The following RAD51B variants were observed in gnomAD, a reference collection of about 807,000 sequenced individuals.
RAD51B encodes the protein RAD51 paralog B, also known as DNA repair protein RAD51 homolog 2.
In RAD51B, 38 loss-of-function variants were observed where a neutral mutation model predicts 42.2. The ratio of observed to expected loss-of-function variants is 0.90; its 90% CI spans 0.70 to 1.18. RAD51B has a LOEUF of 1.18. Ranked by LOEUF, RAD51B falls within the 50% of genes most tolerant of loss-of-function variation. The pLI is 0.00. For missense variants in RAD51B, 373 were observed against 400.7 expected (o/e 0.93, Z 0.59); for synonymous variants, 154 against 145.2 (o/e 1.06, Z -0.43).
intron 7 of RAD51B, among the ~76,000 whole-genome samples, chr14:67,931,159 G>A (rs947394492): frequency 1.3e-5 from 2 of 152,136 alleles, no homozygotes; most frequent in Non-Finnish European, 2.9e-5. Context: ...CTGACCTCGT[G>A]ATCCGCCTGC....
chr14:68,144,969 G>A (rs34680123), intron 7 of RAD51B, among the ~76,000 whole-genome samples: 2 of 151,778 alleles, frequency 1.3e-5, no homozygotes, highest in Admixed American at 1.3e-4. Context: ...TGACTTGCTT[G>A]GCTATATTGT....
At chr14:68,210,825 A>T (rs190610178) in intron 7 of RAD51B, among the ~76,000 whole-genome samples, 1 of 152,286 alleles carries the variant, frequency 6.6e-6, no homozygotes, top group African/African-American at 2.4e-5. Flanking sequence ...TGTTCACGAT[A>T]TGGTCGCCCA....
At chr14:68,147,346 T>G (rs1015268356) in intron 7 of RAD51B, among the ~76,000 whole-genome samples, 2 of 152,206 alleles carry the variant, frequency 1.3e-5, no homozygotes, top group African/African-American at 2.4e-5. Context: ...GTATTTCAGT[T>G]TAATAAATGA....
At chr14:68,557,295 C>T (rs1211143712) in intron 10 of RAD51B, among the ~76,000 whole-genome samples, 1 of 152,190 alleles carries the variant, frequency 6.6e-6, no homozygotes, top group Non-Finnish European at 1.5e-5. Flanking sequence ...TTAGCCTCGC[C>T]TACCGTACAC....
chr14:68,445,560 T>C (rs1395094110), intron 9 of RAD51B, among the ~76,000 whole-genome samples: 2 of 152,224 alleles, frequency 1.3e-5, no homozygotes, highest in African/African-American at 4.8e-5. Context: ...TTAGTTGTTA[T>C]TGGTCTTAAT....
At chr14:68,462,499 A>C (rs1209963573) in intron 9 of RAD51B, among the ~76,000 whole-genome samples, 1 of 152,224 alleles carries the variant, frequency 6.6e-6, no homozygotes, top group African/African-American at 2.4e-5. Context: ...GGGATTGGGG[A>C]TCCAGCATCG....
intron 7 of RAD51B, among the ~76,000 whole-genome samples, chr14:67,919,474 G>C (rs1012245335): frequency 6.6e-6 from 1 of 152,194 alleles, no homozygotes; most frequent in African/African-American, 2.4e-5. Flanking sequence ...GACGGCGCCA[G>C]AGGAATCTGC....
chr14:68,256,883 G>A (rs972255220), intron 7 of RAD51B, among the ~76,000 whole-genome samples: 5 of 152,088 alleles, frequency 3.3e-5, no homozygotes, highest in Admixed American at 2.0e-4. Context: ...ATTCATATAA[G>A]GGATATTAAA....
intron 7 of RAD51B, among the ~76,000 whole-genome samples, chr14:67,922,174 C>T (rs2044347727): frequency 6.6e-6 from 1 of 152,170 alleles, no homozygotes; most frequent in Non-Finnish European, 1.5e-5. Context: ...GTGCCAGACT[C>T]CTAAGCTCTC....
intron 7 of RAD51B, among the ~76,000 whole-genome samples, chr14:68,166,285 C>G (rs905010475): frequency 6.6e-6 from 1 of 150,894 alleles, no homozygotes; most frequent in African/African-American, 2.4e-5. Flanking sequence ...TCTCATAGTC[C>G]GAAGCATAAA....
chr14:68,149,135 T>C (rs1216981089), intron 7 of RAD51B, among the ~76,000 whole-genome samples: 1 of 152,186 alleles, frequency 6.6e-6, no homozygotes, highest in Non-Finnish European at 1.5e-5. Flanking sequence ...TTGTAAAAAT[T>C]TTCTCCCAAT....
intron 5 of RAD51B, among the ~76,000 whole-genome samples, chr14:67,869,908 T>C (rs372833785): frequency 6.6e-6 from 1 of 151,446 alleles, no homozygotes; most frequent in African/African-American, 2.4e-5. Context: ...CACCACCAGG[T>C]CTGCCCTAAA....
At chr14:68,325,040 G>A (rs1245737846) in intron 8 of RAD51B, among the ~76,000 whole-genome samples, 1 of 152,202 alleles carries the variant, frequency 6.6e-6, no homozygotes, top group Non-Finnish European at 1.5e-5. Flanking sequence ...CATTAGTGGA[G>A]TGAGGTAGTT....
At chr14:68,108,868 G>A (rs1270525453) in intron 7 of RAD51B, among the ~76,000 whole-genome samples, 1 of 151,814 alleles carries the variant, frequency 6.6e-6, no homozygotes, top group African/African-American at 2.4e-5. Flanking sequence ...TTATCTGTTT[G>A]TGTCTGGGTT....
chr14:68,027,580 T>A (rs971824879), intron 7 of RAD51B, among the ~76,000 whole-genome samples: 3 of 152,214 alleles, frequency 2.0e-5, no homozygotes, highest in African/African-American at 4.8e-5. Flanking sequence ...TTCAAAGAAC[T>A]GGTCTTCGAG....
rs868567702 is a variant in RAD51B, at chr14:68,189,733, C to T, written c.757-102151C>T. On this transcript the variant is annotated intron_variant, in intron 7 of 10. Transcript: ENST00000471583. ...CCAGGCTGGAATGTTGTGGCATGAT[C>T]TCGGCTCACTACAACCTCTGCCTCA... Among the ~76,000 whole-genome samples the T allele has an allele frequency of 7.2e-5, 11 of 152,236 alleles. No homozygotes were observed. In the South Asian group the frequency reaches 1.7e-3, roughly 23 times the overall value.
downstream of RAD51B, among the ~76,000 whole-genome samples, chr14:68,615,032 C>G (rs1387125503): frequency 1.3e-5 from 2 of 152,096 alleles, no homozygotes; most frequent in Non-Finnish European, 2.9e-5. Context: ...GCCACCAGGC[C>G]CAGCTAATTT....
chr14:68,241,243 CTT>C (rs945020447), intron 7 of RAD51B, among the ~76,000 whole-genome samples: 1 of 152,174 alleles, frequency 6.6e-6, no homozygotes, highest in African/African-American at 2.4e-5. Flanking sequence ...AACCTGTTCT[CTT>C]TTTAAATTGT....
intron 10 of RAD51B, chr14:68,562,622 G>A: frequency 1.0e-6 from 1 of 985,390 alleles, no homozygotes; most frequent in African/African-American, 1.7e-5. Context: ...TTAGTTCTCT[G>A]TTCTAATGAT....
Sources: gnomAD v4.1 joint callset for allele counts (sites outside exome capture counted in the v4.1 genomes callset) on GRCh38, gnomAD v4.1.1 for gene constraint, MANE v1.5 for transcripts, NCBI Gene and HGNC (gene_info 2026-07-23, HGNC 2026-07-21) for gene names.